COL13A1: variants seen among roughly 807,000 people sequenced by gnomAD.
The protein encoded by COL13A1 is collagen type XIII alpha 1 chain.
COL13A1 carries 89 observed loss-of-function variants against 130.9 expected under a neutral mutation model. That is an observed-to-expected ratio of 0.68 (90% CI 0.57 to 0.81). The LOEUF (loss-of-function observed/expected upper bound fraction) is 0.81. Ranked by LOEUF, COL13A1 falls within the 30% of genes least tolerant of loss-of-function variation. COL13A1 has a pLI of 0.00. For missense variants in COL13A1, 879 were observed against 934.6 expected (o/e 0.94, Z 0.78); for synonymous variants, 402 against 341.6 (o/e 1.18, Z -1.95).
chr10:69,947,438 G>A (rs2068726860), intron 38 of COL13A1, 96 bp downstream of exon 38: 6 of 1,200,562 alleles, frequency 5.0e-6, no homozygotes, highest in East Asian at 5.0e-5. Flanking sequence ...ATGGCGAACA[G>A]TTTTTCCTGA....
chr10:69,939,450 G>C (rs147621683), intron 34 of COL13A1, among the ~76,000 whole-genome samples: 3 of 152,340 alleles, frequency 2.0e-5, no homozygotes, highest in African/African-American at 7.2e-5. Context: ...CCTCTAATTT[G>C]TGCTTTCTGC....
At chr10:69,956,978 C>G in intron 39 of COL13A1, 26 bp from the exon 40 acceptor site, 1 of 1,607,138 alleles carries the variant, frequency 6.2e-7, no homozygotes, top group Admixed American at 1.7e-5. Flanking sequence ...GAAGTCTGAG[C>G]CCTCTGCCTT....
At chr10:69,929,646 G>A (rs186217275) in intron 28 of COL13A1, among the ~76,000 whole-genome samples, 12 of 152,276 alleles carry the variant, frequency 7.9e-5, no homozygotes, top group Admixed American at 6.5e-4. Context: ...GAAGATGAAA[G>A]GAGCACCCTG....
At chr10:69,870,570 C>T (rs1481134123) in intron 3 of COL13A1, among the ~76,000 whole-genome samples, 2 of 152,016 alleles carry the variant, frequency 1.3e-5, no homozygotes, top group East Asian at 1.9e-4. Context: ...ATCCTCCTGC[C>T]TCAGTCTCCC....
chr10:69,896,452 G>A (rs961638513), intron 13 of COL13A1, among the ~76,000 whole-genome samples: 3 of 152,182 alleles, frequency 2.0e-5, no homozygotes, highest in African/African-American at 7.2e-5. Flanking sequence ...CAGCAGGGAT[G>A]GAAGATGAGC....
intron 2 of COL13A1, among the ~76,000 whole-genome samples, chr10:69,836,960 G>A (rs948270485): frequency 1.3e-5 from 2 of 151,902 alleles, no homozygotes; most frequent in African/African-American, 2.4e-5. Context: ...ATGACAGGCC[G>A]GAGGGAGGGT....
chr10:69,848,999 C>A (rs7903891), intron 2 of COL13A1, among the ~76,000 whole-genome samples: 7 of 152,240 alleles, frequency 4.6e-5, no homozygotes, highest in Non-Finnish European at 8.8e-5. Context: ...TTGACACCCC[C>A]CTGCACCACC....
At chr10:69,937,866 G>C (rs939429917) in intron 34 of COL13A1, among the ~76,000 whole-genome samples, 151 bp downstream of exon 34, 1 of 152,192 alleles carries the variant, frequency 6.6e-6, no homozygotes, top group Non-Finnish European at 1.5e-5. Flanking sequence ...CAAGACCACA[G>C]GCTCTGATTC....
intron 34 of COL13A1, among the ~76,000 whole-genome samples, chr10:69,939,875 C>T (rs925162786): frequency 4.6e-5 from 7 of 152,122 alleles, no homozygotes; most frequent in Non-Finnish European, 1.0e-4. Flanking sequence ...GAGAAGAGTC[C>T]CTGCAGAGTC....
intron 2 of COL13A1, among the ~76,000 whole-genome samples, chr10:69,834,402 A>G (rs981774227): frequency 1.3e-5 from 2 of 152,194 alleles, no homozygotes; most frequent in Non-Finnish European, 2.9e-5. Context: ...TTGCAGAGGT[A>G]ACATTAGCAA....
At chr10:69,950,012 G>A (rs765968119) in intron 38 of COL13A1, among the ~76,000 whole-genome samples, 3 of 151,688 alleles carry the variant, frequency 2.0e-5, no homozygotes, top group African/African-American at 4.8e-5. Context: ...GTGTGTGTAC[G>A]TCTCACTTCC....
At chr10:69,862,919 C>G (rs1050955714) in intron 2 of COL13A1, among the ~76,000 whole-genome samples, 1 of 152,194 alleles carries the variant, frequency 6.6e-6, no homozygotes, top group Admixed American at 6.5e-5. Context: ...AGATGAATAA[C>G]AGACAAATTA....
intron 14 of COL13A1, among the ~76,000 whole-genome samples, chr10:69,901,542 C>T (rs371170991): frequency 2.0e-5 from 3 of 152,126 alleles, no homozygotes; most frequent in Admixed American, 6.5e-5. Context: ...AAAGGTGGGC[C>T]GGCCTGGAAC....
At chr10:69,871,747 C>G (rs1037222982) in intron 3 of COL13A1, among the ~76,000 whole-genome samples, 4 of 152,290 alleles carry the variant, frequency 2.6e-5, no homozygotes, top group South Asian at 4.2e-4. Flanking sequence ...AGCCCCATGC[C>G]CGTCTCTGGC....
intron 19 of COL13A1, 91 bp from the exon 20 acceptor site, chr10:69,918,971 C>A (rs2064273996): frequency 1.3e-6 from 2 of 1,498,614 alleles, no homozygotes; most frequent in Non-Finnish European, 1.9e-6. Flanking sequence ...CCCACCCTGA[C>A]TGCCCCCAAC....
intron 14 of COL13A1, among the ~76,000 whole-genome samples, chr10:69,902,237 T>A (rs1365032350): frequency 6.6e-6 from 1 of 152,240 alleles, no homozygotes; most frequent in Non-Finnish European, 1.5e-5. Context: ...GGCTTTGACC[T>A]AAGGATCCCA....
chr10:69,930,550 C>A lies in COL13A1; in HGVS notation c.1681C>A (p.Pro561Thr). Residue 561 changes from proline (P) to threonine (T), a missense_variant and splice_region_variant, in exon 30 of 41, where the codon CCG (proline) becomes ACG (threonine). By Grantham distance (38) the Pro-to-Thr change is conservative. This residue lies in a region of COL13A1 where 715 missense variants were observed against 721.0 expected (regional missense o/e 0.99). Coordinates refer to ENST00000645393, the MANE Select transcript of COL13A1 (RefSeq NM_001368882.1). ...AGGGGAGACAGGACAAGCAGGCTCA[C>A]CGGTGAGTGGCAGGGCTGGCTGCCC... ...EKGETGQAGS[P>T]GEKGEAGEKG... 1 of 1,612,544 alleles carries A rather than the reference C, an allele frequency of 6.2e-7. No individual in the cohort carries two copies. The highest frequency in any genetic ancestry group is 1.7e-4 in the Middle Eastern group (1 of 5,966).
intron 17 of COL13A1, among the ~76,000 whole-genome samples, chr10:69,911,500 T>A (rs1001105603): frequency 1.3e-5 from 2 of 152,238 alleles, no homozygotes; most frequent in African/African-American, 4.8e-5. Context: ...AAGCCAGGTC[T>A]GTGTGATCCC....
chr10:69,822,171 G>A (rs576816044), intron 1 of COL13A1, among the ~76,000 whole-genome samples, 198 bp from the exon 2 acceptor site: 21 of 152,306 alleles, frequency 1.4e-4, no homozygotes, highest in Non-Finnish European at 2.1e-4. Flanking sequence ...TGTGATTACC[G>A]GGATGGGCTT....
Sources: allele counts gnomAD v4.1 joint callset (sites outside exome capture counted in the v4.1 genomes callset), GRCh38; gene constraint gnomAD v4.1.1; regional missense constraint gnomAD v4.1.1; transcripts MANE v1.5; gene names NCBI Gene and HGNC (gene_info 2026-07-23, HGNC 2026-07-21).